SLF2: variants seen among roughly 807,000 people sequenced by gnomAD.
SLF2 encodes the protein SMC5-SMC6 complex localization factor protein 2.
A neutral mutation model predicts 124.3 loss-of-function variants in SLF2; 68 were observed. The observed-to-expected ratio is 0.55, with a 90% confidence interval of 0.45 to 0.67. The LOEUF is 0.67. Ranked by LOEUF, SLF2 falls within the 30% of genes least tolerant of loss-of-function variation. SLF2 has a pLI of 0.00. For missense variants in SLF2, 1,246 were observed against 1,373.7 expected, an observed-to-expected ratio of 0.91 and a Z score of 1.47; for synonymous variants, 480 against 478.8, an observed-to-expected ratio of 1.00 and a Z score of -0.03.
intron 8 of SLF2, among the ~76,000 whole-genome samples, chr10:100,930,480 A>G (rs934249559): frequency 3.9e-5 from 6 of 152,192 alleles, no homozygotes; most frequent in African/African-American, 1.4e-4. Context: ...CTTGGCCACA[A>G]GGGAAGCCAG....
Position 100,913,262 on chromosome 10 carries a change from A to C in SLF2, c.140+12A>C. 3.8e-6 allele frequency: 6 copies of C among 1,575,520 alleles called. No individual in the cohort carries two copies. The highest frequency in any genetic ancestry group is 4.3e-6 in the Non-Finnish European group (5 of 1,160,406). On this transcript the variant is annotated intron_variant, in intron 1 of 19. Coordinates refer to ENST00000238961, the MANE Select transcript of SLF2 (RefSeq NM_018121.4). ...AGTCCTGGGGACAGGTACCGTGCAG[A>C]GGGCTTGAGAAGGGGCCGGGTCGCG... is the stretch of plus-strand genomic sequence containing the variant.
At chr10:100,929,481 T>G (rs1420962928) in intron 7 of SLF2, 42 bp downstream of exon 7, 2 of 1,507,596 alleles carry the variant, frequency 1.3e-6, no homozygotes. Context: ...ATTAAAGTTT[T>G]TACATTTTTT....
At chr10:100,940,411 G>A (rs541803387) in intron 11 of SLF2, among the ~76,000 whole-genome samples, 1 of 152,130 alleles carries the variant, frequency 6.6e-6, no homozygotes, top group Non-Finnish European at 1.5e-5. Context: ...GCAGGCTGGA[G>A]TGCAGTGACA....
At chr10:100,921,139 T>C (rs2133760134) in intron 4 of SLF2, among the ~76,000 whole-genome samples, 1 of 152,340 alleles carries the variant, frequency 6.6e-6, no homozygotes, top group African/African-American at 2.4e-5. Context: ...GTCTTTTGGC[T>C]GAATTGTGAG....
Position 100,962,712 on chromosome 10 carries a change from C to G in SLF2, c.*800C>G, listed in dbSNP as rs566280786. The G allele has an allele frequency of 6.5e-6, 1 of 152,676 alleles. No individual in the cohort carries two copies. Among genetic ancestry groups the G allele is most frequent in the Non-Finnish European group, 1.5e-5 (1 of 68,006 alleles). The allele number at this position is 152,676 out of a possible 1,614,324, so 9.5% of individuals were successfully genotyped here. A position where few individuals can be genotyped will look rare whatever the true frequency, so the allele number is the denominator to read the frequency against. ...TTGGCTATATCTTAGAATTCTGGCT[C>G]TTGGTAACCATATTACAGAAGTCTA... On this transcript the variant is annotated 3_prime_UTR_variant, in exon 20 of 20. Transcript: ENST00000238961.
chr10:100,931,523 C>T (rs549084015), intron 9 of SLF2, among the ~76,000 whole-genome samples: 54 of 151,868 alleles, frequency 3.6e-4, no homozygotes, highest in Admixed American at 2.3e-3. Context: ...TCATATTTAA[C>T]GCTTAAATCC....
intron 6 of SLF2, chr10:100,926,333 G>A (rs1849613733): frequency 7.1e-7 from 1 of 1,407,282 alleles, no homozygotes; most frequent in African/African-American, 1.4e-5. Flanking sequence ...GGCCAGGTGT[G>A]ATGGCTCATG....
At chr10:100,929,261 G>T in intron 6 of SLF2, 56 bp from the exon 7 acceptor site, 1 of 1,503,906 alleles carries the variant, frequency 6.6e-7, no homozygotes, top group Middle Eastern at 1.8e-4. Context: ...ATAAACTAAA[G>T]ACTTTTTAAA....
rs529263774 is a variant in SLF2, at chr10:100,945,944, G to A, written c.2934+438G>A. Among the ~76,000 whole-genome samples the A allele has an allele frequency of 2.6e-5, 4 of 152,286 alleles. No homozygotes were observed. In the South Asian group the frequency reaches 8.3e-4, roughly 32 times the overall value. On this transcript the variant is annotated intron_variant, in intron 13 of 19. Transcript: ENST00000238961. ...CAGATGCTATGCTATTTCATATAAG[G>A]CTGGCAGGGAAAGGCCTTTCCAAAA... is the stretch of plus-strand genomic sequence containing the variant.
At chr10:100,948,347 T>G (rs1375206589) in intron 15 of SLF2, among the ~76,000 whole-genome samples, 1 of 152,244 alleles carries the variant, frequency 6.6e-6, no homozygotes, top group Non-Finnish European at 1.5e-5. Flanking sequence ...TGTCCAGCTG[T>G]TGCTGGGTAC....
At chr10:100,923,022 C>G (rs1230202752) in intron 4 of SLF2, among the ~76,000 whole-genome samples, 6 of 152,036 alleles carry the variant, frequency 3.9e-5, no homozygotes, top group African/African-American at 1.4e-4. Flanking sequence ...GTGATCTGCC[C>G]ACTCCGGCCT....
chr10:100,929,018 A>G (rs978419243), intron 6 of SLF2, among the ~76,000 whole-genome samples: 1 of 152,240 alleles, frequency 6.6e-6, no homozygotes. Flanking sequence ...TGGTTTGGAC[A>G]GATCATTCTT....
intron 1 of SLF2, among the ~76,000 whole-genome samples, chr10:100,914,587 CTCAA>C (rs1027903782): frequency 6.6e-6 from 1 of 152,124 alleles, no homozygotes; most frequent in African/African-American, 2.4e-5. Flanking sequence ...CCCATCTCTC[CTCAA>C]TCAATAACAA....
intron 10 of SLF2, 129 bp downstream of exon 10, chr10:100,937,606 TC>T: frequency 4.3e-6 from 3 of 696,434 alleles, no homozygotes; most frequent in Non-Finnish European, 7.1e-6. Flanking sequence ...TAATCAAAAG[TC>T]GTTTTTTTTG....
chr10:100,912,973 A>T lies in SLF2; in HGVS notation c.-138A>T, dbSNP rs1202481739. On this transcript the variant is annotated 5_prime_UTR_variant, in exon 1 of 20. Transcript: ENST00000238961. ...GCTCACGCCGGAGTCACTTCCGAAG[A>T]GAGAACCGCCATGAAGAGAGAAGGG... 1.1e-5 allele frequency: 10 copies of T among 891,614 alleles called. No individual in the cohort carries two copies. The highest frequency in any genetic ancestry group is 1.7e-5 in the Non-Finnish European group (10 of 599,592). 55.2% of individuals were successfully genotyped at this position (891,614 alleles called of 1,614,324 possible). A position where few individuals can be genotyped will look rare whatever the true frequency, so the allele number is the denominator to read the frequency against.
At chr10:100,936,167 T>C (rs1252930400) in intron 9 of SLF2, among the ~76,000 whole-genome samples, 4 of 151,816 alleles carry the variant, frequency 2.6e-5, no homozygotes, top group Admixed American at 2.0e-4. Flanking sequence ...GGCCCTAGTG[T>C]AAAAGTTTTA....
chr10:100,920,802 T>G (rs547512056), intron 4 of SLF2, among the ~76,000 whole-genome samples: 2 of 152,080 alleles, frequency 1.3e-5, no homozygotes, highest in Admixed American at 6.5e-5. Context: ...TTACAAAAAT[T>G]AGCTGGGCAT....
At chr10:100,961,090 A>G (rs572202364) in intron 19 of SLF2, among the ~76,000 whole-genome samples, 2 of 136,206 alleles carry the variant, frequency 1.5e-5, no homozygotes, top group African/African-American at 2.7e-5. Context: ...GCTCACTGCA[A>G]GCTCTGCCTC....
intron 9 of SLF2, among the ~76,000 whole-genome samples, chr10:100,931,657 C>T (rs1442423321): frequency 6.6e-6 from 1 of 152,088 alleles, no homozygotes; most frequent in African/African-American, 2.4e-5. Flanking sequence ...ACTCTAGATA[C>T]TTCGGACCTT....
Sources: allele counts gnomAD v4.1 joint callset (sites outside exome capture counted in the v4.1 genomes callset), GRCh38; gene constraint gnomAD v4.1.1; transcripts MANE v1.5; gene names NCBI Gene and HGNC (gene_info 2026-07-23, HGNC 2026-07-21).